Variants in CDYL2 observed in about 807,000 individuals in gnomAD.
The protein encoded by CDYL2 is chromodomain Y like 2, also known as chromodomain Y-like protein 2.
In CDYL2, 23 loss-of-function variants were observed where a neutral mutation model predicts 49.4. The ratio of observed to expected loss-of-function variants is 0.47; its 90% CI spans 0.34 to 0.66. The LOEUF (loss-of-function observed/expected upper bound fraction) is 0.66, where lower values mean the gene tolerates loss of function less well. Ranked by LOEUF, CDYL2 falls within the 30% of genes least tolerant of loss-of-function variation. CDYL2 has a pLI of 0.01. For synonymous variants in CDYL2, 360 were observed against 268.8 expected, an observed-to-expected ratio of 1.34 and a Z score of -3.32; for missense variants, 678 against 656.4, an observed-to-expected ratio of 1.03 and a Z score of -0.36.
chr16:80,683,478 T>C (rs1479602952), intron 2 of CDYL2, among the ~76,000 whole-genome samples: 2 of 152,226 alleles, frequency 1.3e-5, no homozygotes, highest in East Asian at 3.8e-4. Flanking sequence ...TCCTTAATTT[T>C]GCCTACAGAG....
intron 2 of CDYL2, among the ~76,000 whole-genome samples, chr16:80,673,151 C>G (rs772561422): frequency 6.6e-6 from 1 of 151,970 alleles, no homozygotes; most frequent in African/African-American, 2.4e-5. Context: ...AACCCCATTT[C>G]TACTAAAAGT....
At chr16:80,781,612 C>G (rs1342329450) in intron 1 of CDYL2, among the ~76,000 whole-genome samples, 1 of 152,106 alleles carries the variant, frequency 6.6e-6, no homozygotes, top group East Asian at 1.9e-4. Flanking sequence ...GGTATGTTCT[C>G]CTGAATAGAC....
At chr16:80,782,780 T>C (rs149604113) in intron 1 of CDYL2, among the ~76,000 whole-genome samples, 1 of 152,126 alleles carries the variant, frequency 6.6e-6, no homozygotes, top group African/African-American at 2.4e-5. Context: ...GAAAAGGCAT[T>C]TGAAAAATTC....
intron 2 of CDYL2, among the ~76,000 whole-genome samples, chr16:80,652,072 T>C (rs111966659): frequency 0.019 from 2,946 of 152,292 alleles, 70 homozygotes; most frequent in African/African-American, 0.047. Flanking sequence ...CAGGTTAGTA[T>C]ACCCATGTGT....
chr16:80,793,860 A>T (rs1175540411), intron 1 of CDYL2, among the ~76,000 whole-genome samples: 1 of 152,110 alleles, frequency 6.6e-6, no homozygotes, highest in Non-Finnish European at 1.5e-5. Context: ...TAATAGCAAA[A>T]TTTTTTAATG....
chr16:80,658,994 T>G (rs746991741), intron 2 of CDYL2, among the ~76,000 whole-genome samples: 1 of 152,120 alleles, frequency 6.6e-6, no homozygotes, highest in African/African-American at 2.4e-5. Flanking sequence ...ATGGCAGTAA[T>G]AGATTATAAA....
At chr16:80,725,650 C>A (rs1905139826) in intron 1 of CDYL2, among the ~76,000 whole-genome samples, 2 of 152,238 alleles carry the variant, frequency 1.3e-5, no homozygotes. Flanking sequence ...GAAGTTCCAG[C>A]AGTCCACAAG....
intron 5 of CDYL2, among the ~76,000 whole-genome samples, chr16:80,608,743 T>C (rs965212027): frequency 6.6e-6 from 1 of 152,054 alleles, no homozygotes; most frequent in Admixed American, 6.6e-5. Flanking sequence ...TCCATGGCTG[T>C]GTCCCGGCCT....
intron 1 of CDYL2, among the ~76,000 whole-genome samples, chr16:80,738,223 T>G (rs878859531): frequency 6.6e-6 from 1 of 152,202 alleles, no homozygotes; most frequent in Non-Finnish European, 1.5e-5. Context: ...TGCATAGTAT[T>G]CCATGGTGTA....
rs373721821 is a variant in CDYL2 at position 80,602,277 on chromosome 16, G to A, written c.*2111C>T. 1 of 152,194 alleles carries A rather than the reference G, an allele frequency of 6.6e-6. No individual in the cohort carries two copies. The highest frequency in any genetic ancestry group is 1.9e-4 in the East Asian group (1 of 5,192). The allele number at this position is 152,194 out of a possible 1,614,324, so 9.4% of individuals were successfully genotyped here. ...TAGTAACTCCCTGTAGGACAGGTCCGAAGTCCTTACAGGATCCTACATGGA... is the reference window on the plus strand; with the variant it reads ...TAGTAACTCCCTGTAGGACAGGTCCAAAGTCCTTACAGGATCCTACATGGA... On this transcript the variant is annotated 3_prime_UTR_variant, in exon 7 of 7. Coordinates refer to ENST00000570137, the MANE Select transcript of CDYL2 (RefSeq NM_152342.4).
chr16:80,644,771 G>T (rs1352097542), intron 2 of CDYL2, among the ~76,000 whole-genome samples: 1 of 152,028 alleles, frequency 6.6e-6, no homozygotes, highest in African/African-American at 2.4e-5. Context: ...AAACAGCATG[G>T]TACTGGTACC....
At position 80,719,638 on chromosome 16, in the gene CDYL2, G is replaced by A. The variant is rs1201834381; in HGVS notation, c.25-34509C>T. ...AGACAAACAAGTATCTGTACCTTGG[G>A]TTGCCCAGGAGAAAACAAGGCCACC... On this transcript the variant is annotated intron_variant, in intron 1 of 6. Coordinates refer to ENST00000570137, the MANE Select transcript of CDYL2 (RefSeq NM_152342.4). Among the ~76,000 whole-genome samples the A allele has an allele frequency of 2.0e-5, 3 of 152,172 alleles. No individual in the cohort carries two copies. The East Asian group carries it at 5.8e-4, about 29-fold the overall frequency.
chr16:80,753,485 G>A (rs1227842795), intron 1 of CDYL2, among the ~76,000 whole-genome samples: 1 of 152,128 alleles, frequency 6.6e-6, no homozygotes, highest in Admixed American at 6.5e-5. Context: ...GCGCATGCCT[G>A]TAATCCCAGC....
intron 1 of CDYL2, among the ~76,000 whole-genome samples, chr16:80,709,268 G>A (rs949651628): frequency 6.6e-6 from 1 of 151,848 alleles, no homozygotes; most frequent in African/African-American, 2.4e-5. Context: ...TGTAGCCCCA[G>A]CTACTCAGGA....
intron 1 of CDYL2, among the ~76,000 whole-genome samples, chr16:80,773,019 CAGAT>C (rs1300809420): frequency 1.3e-5 from 2 of 151,928 alleles, no homozygotes; most frequent in Non-Finnish European, 2.9e-5. Context: ...TAAAGGTTAT[CAGAT>C]AGAATTTTTT....
intron 2 of CDYL2, among the ~76,000 whole-genome samples, chr16:80,650,425 C>T (rs375051096): frequency 8.5e-5 from 13 of 152,154 alleles, no homozygotes; most frequent in East Asian, 1.9e-4. Context: ...ATCATCTCAC[C>T]GCATTTTATG....
At chr16:80,675,493 C>T (rs1597165358) in intron 2 of CDYL2, among the ~76,000 whole-genome samples, 1 of 152,284 alleles carries the variant, frequency 6.6e-6, no homozygotes, top group East Asian at 1.9e-4. Context: ...GCTACCATCA[C>T]CACCACCACC....
At chr16:80,747,927 C>T (rs191607435) in intron 1 of CDYL2, among the ~76,000 whole-genome samples, 3 of 152,028 alleles carry the variant, frequency 2.0e-5, no homozygotes, top group Admixed American at 1.3e-4. Flanking sequence ...AAAACCTTTC[C>T]TGAATTCTCA....
At chr16:80,669,685 T>C (rs553042708) in intron 2 of CDYL2, among the ~76,000 whole-genome samples, 3 of 152,176 alleles carry the variant, frequency 2.0e-5, no homozygotes, top group African/African-American at 7.2e-5. Context: ...GCTGGCTTTG[T>C]GGCCTCAGGC....
Sources: allele counts gnomAD v4.1 joint callset (sites outside exome capture counted in the v4.1 genomes callset), GRCh38; gene constraint gnomAD v4.1.1; transcripts MANE v1.5; gene names NCBI Gene and HGNC (gene_info 2026-07-23, HGNC 2026-07-21).